GLRA2: variants seen among roughly 807,000 people sequenced by gnomAD.
GLRA2 encodes glycine receptor subunit alpha-2.
Under a neutral mutation model 31.6 loss-of-function variants are expected in GLRA2, and 11 were observed. The observed-to-expected ratio is 0.35, with a 90% CI of 0.22 to 0.58. The LOEUF (loss-of-function observed/expected upper bound fraction) is 0.58, where lower values mean the gene tolerates loss of function less well. GLRA2 is among the 20% of genes least tolerant of loss of function. The pLI, the probability that GLRA2 is intolerant of heterozygous loss-of-function variation, is 0.84. For missense variants in GLRA2, 212 were observed against 351.8 expected, an observed-to-expected ratio of 0.60 and a Z score of 3.18; for synonymous variants, 132 against 134.0, an observed-to-expected ratio of 0.99 and a Z score of 0.10.
intron 4 of GLRA2, among the ~76,000 whole-genome samples, chrX:14,599,186 G>A (rs1372593654): frequency 8.9e-6 from 1 of 112,726 alleles, no homozygotes; most frequent in Non-Finnish European, 1.9e-5. Flanking sequence ...ACAGGAGCAG[G>A]GGTGCCCTGA....
chrX:14,497,619 G>C, the GLRA2 span, among the ~76,000 whole-genome samples: 3 of 111,665 alleles, frequency 2.7e-5, no homozygotes, highest in African/African-American at 9.8e-5. Flanking sequence ...TTCCCATCCA[G>C]ACACATGACA....
chrX:14,537,111 G>T (rs1029798681), intron 2 of GLRA2, among the ~76,000 whole-genome samples: 1 of 110,995 alleles, frequency 9.0e-6, no homozygotes, highest in Non-Finnish European at 1.9e-5. Flanking sequence ...TAGAAAGAAG[G>T]AAAGGAAGAA....
chrX:14,535,831 C>T (rs1024147769), intron 2 of GLRA2, among the ~76,000 whole-genome samples: 3 of 112,441 alleles, frequency 2.7e-5, no homozygotes, highest in Non-Finnish European at 3.8e-5. Context: ...TGAAAATGCA[C>T]TTTAAACATT....
At chrX:14,551,115 T>C in intron 2 of GLRA2, among the ~76,000 whole-genome samples, 1 of 111,805 alleles carries the variant, frequency 8.9e-6, no homozygotes, top group Non-Finnish European at 1.9e-5. Flanking sequence ...GAACAGAAAT[T>C]GTATTTGGTT....
Position 14,730,223 on chromosome X carries a change from G to T in GLRA2, c.1097G>T (p.Arg366Leu), listed in dbSNP as rs903978447. 1 of 1,200,115 alleles carries T rather than the reference G, an allele frequency of 8.3e-7. No individual in the cohort carries two copies. The highest frequency in any genetic ancestry group is 2.2e-5 in the Admixed American group (1 of 45,555). ...TTCCGTCAGGAAGAAGACGTTACTC[G>T]TGAAAGTCGTTTTAATTTTAGCGGT... ...KRQNKEEDVT[R>L]ESRFNFSGYG... The change falls in exon 9 of 9, where the codon CGT becomes CTT. Residue 366 changes from arginine (R) to leucine (L), a missense_variant. By Grantham distance (102) the Arg-to-Leu change is moderately radical. Transcript: ENST00000218075.
At chrX:14,536,025 G>T (rs2089318394) in intron 2 of GLRA2, among the ~76,000 whole-genome samples, 1 of 112,201 alleles carries the variant, frequency 8.9e-6, no homozygotes, top group Admixed American at 9.4e-5. Context: ...TTTTGGGATA[G>T]AATCTAGAGT....
chrX:14,507,689 C>CTTTTTTTTTTTTTT, the GLRA2 span, among the ~76,000 whole-genome samples: 33 of 46,638 alleles, frequency 7.1e-4, 5 homozygotes, highest in African/African-American at 1.2e-3. Context: ...GAAAGACATT[C>CTTTTTTTTTTTTTT]TTTTTTTTTT....
At chrX:14,512,947 C>CT in the GLRA2 span, among the ~76,000 whole-genome samples, 2 of 111,534 alleles carry the variant, frequency 1.8e-5, no homozygotes, top group East Asian at 5.6e-4. Flanking sequence ...AAGAAAGAGC[C>CT]TGCATAGTCA....
intron 3 of GLRA2, among the ~76,000 whole-genome samples, chrX:14,577,110 G>A (rs1355218268): frequency 1.8e-5 from 2 of 112,738 alleles, no homozygotes; most frequent in Non-Finnish European, 3.7e-5. Context: ...AAGACTTTGA[G>A]AGCCAGATAG....
chrX:14,691,823 G>A (rs1223500226), intron 8 of GLRA2, among the ~76,000 whole-genome samples: 1 of 111,970 alleles, frequency 8.9e-6, no homozygotes, highest in East Asian at 2.8e-4. Flanking sequence ...GTTACCTCCT[G>A]TAACAATATT....
At chrX:14,686,774 G>T (rs922346511) in intron 7 of GLRA2, among the ~76,000 whole-genome samples, 3 of 111,576 alleles carry the variant, frequency 2.7e-5, no homozygotes, top group African/African-American at 9.8e-5. Flanking sequence ...AATCCAATTT[G>T]CCAGTCTTTG....
chrX:14,531,115 T>A, intron 1 of GLRA2: 1 of 929,422 alleles, frequency 1.1e-6, no homozygotes, highest in Non-Finnish European at 1.4e-6. Flanking sequence ...ATCATCATCC[T>A]CACCACCACC....
intron 7 of GLRA2, among the ~76,000 whole-genome samples, chrX:14,666,604 T>C (rs764213002): frequency 1.8e-4 from 20 of 112,077 alleles, no homozygotes; most frequent in Non-Finnish European, 3.6e-4. Context: ...AGGGCATTGA[T>C]TCTAATGGCC....
intron 2 of GLRA2, among the ~76,000 whole-genome samples, chrX:14,541,505 C>T (rs1358571965): frequency 8.9e-6 from 1 of 111,906 alleles, no homozygotes; most frequent in Non-Finnish European, 1.9e-5. Context: ...TACAATGTAT[C>T]TTCTTCTAAT....
chrX:14,675,394 C>T (rs765858441), intron 7 of GLRA2, among the ~76,000 whole-genome samples: 3 of 111,668 alleles, frequency 2.7e-5, no homozygotes, highest in African/African-American at 6.5e-5. Context: ...ATGTATTCAT[C>T]TTTGGAAAGA....
At chrX:14,623,810 CTTT>C (rs879071924) in intron 7 of GLRA2, among the ~76,000 whole-genome samples, 2 of 111,129 alleles carry the variant, frequency 1.8e-5, no homozygotes, top group African/African-American at 6.6e-5. Context: ...CTAAAATTTT[CTTT>C]TTTTGTTGTG....
At chrX:14,659,121 G>A (rs956168515) in intron 7 of GLRA2, among the ~76,000 whole-genome samples, 1 of 112,223 alleles carries the variant, frequency 8.9e-6, no homozygotes, top group Non-Finnish European at 1.9e-5. Context: ...CCCACTACCT[G>A]TTTTTGCAAA....
chrX:14,513,001 A>T, the GLRA2 span, among the ~76,000 whole-genome samples: 1 of 112,227 alleles, frequency 8.9e-6, no homozygotes, highest in South Asian at 3.7e-4. Flanking sequence ...GCATCACATT[A>T]TGTGACTTCA....
At chrX:14,490,588 C>T in the GLRA2 span, among the ~76,000 whole-genome samples, 1 of 112,322 alleles carries the variant, frequency 8.9e-6, no homozygotes, top group African/African-American at 3.2e-5. Context: ...CTTCAGATTT[C>T]AGTTTATCAG....
Sources: gnomAD v4.1 joint callset for allele counts (sites outside exome capture counted in the v4.1 genomes callset) on GRCh38, gnomAD v4.1.1 for gene constraint, MANE v1.5 for transcripts, NCBI Gene and HGNC (gene_info 2026-07-23, HGNC 2026-07-21) for gene names.